The following AXIN1 variants were observed in gnomAD, a reference collection of about 807,000 sequenced individuals.
AXIN1 encodes the protein axin 1, also known as axin-1.
In AXIN1, 30 loss-of-function variants were observed where a neutral mutation model predicts 76.4. That is an observed-to-expected ratio of 0.39 (90% CI 0.29 to 0.53). The LOEUF (loss-of-function observed/expected upper bound fraction) is 0.53, where lower values mean the gene tolerates loss of function less well. AXIN1 is among the 20% of genes least tolerant of loss of function. AXIN1 has a pLI of 0.66. For synonymous variants in AXIN1, 545 were observed against 501.4 expected, an observed-to-expected ratio of 1.09 and a Z score of -1.16; for missense variants, 1,140 against 1,198.8, an observed-to-expected ratio of 0.95 and a Z score of 0.72.
intron 5 of AXIN1, among the ~76,000 whole-genome samples, chr16:303,686 CCCTTTTTA>C (rs1295615173): frequency 2.0e-5 from 3 of 152,300 alleles, no homozygotes; most frequent in African/African-American, 7.2e-5. Context: ...CCGCCCGTTT[CCCTTTTTA>C]CCTTTTCACC....
intron 3 of AXIN1, among the ~76,000 whole-genome samples, chr16:311,595 C>A (rs918889616): frequency 6.6e-6 from 1 of 151,602 alleles, no homozygotes; most frequent in African/African-American, 2.4e-5. Flanking sequence ...CACGGTGAAA[C>A]CCCGTCTCTA....
Position 287,671 on chromosome 16 carries a change from C to T in AXIN1, c.*451G>A. ...GATTCACACAGTGGCAGGCAAGAGA[C>T]AAGCTGTGTTGAAGGCACTCGGTGG... is the stretch of plus-strand genomic sequence containing the variant. On this transcript the variant is annotated 3_prime_UTR_variant, in exon 11 of 11. Coordinates refer to ENST00000262320, the MANE Select transcript of AXIN1 (RefSeq NM_003502.4). 1 of 328,512 alleles carries T rather than the reference C, an allele frequency of 3.0e-6. No individual in the cohort carries two copies. Among genetic ancestry groups the T allele is most frequent in the African/African-American group, 2.1e-5 (1 of 48,472 alleles). The allele number at this position is 328,512 out of a possible 1,614,324, so 20.3% of individuals were successfully genotyped here.
intron 4 of AXIN1, among the ~76,000 whole-genome samples, chr16:305,332 G>A (rs1293367201): frequency 6.6e-6 from 1 of 152,036 alleles, no homozygotes; most frequent in African/African-American, 2.4e-5. Context: ...TAATTAGCCG[G>A]GTGTGGTGGC....
rs574583555 is a variant in AXIN1, at chr16:299,566, G to A, written c.1255-1315C>T. Among the ~76,000 whole-genome samples the A allele has an allele frequency of 1.7e-3, 258 of 152,168 alleles. 1 individual carries two copies. The highest frequency in any genetic ancestry group is 0.01 in the Middle Eastern group (3 of 294). On this transcript the variant is annotated intron_variant, in intron 5 of 10. Coordinates refer to ENST00000262320, the MANE Select transcript of AXIN1 (RefSeq NM_003502.4). ...GACGGGGTTTCACCATGTTGGCCAG[G>A]CTGGTCTCAAACTCCTAACCTCAGG...
At chr16:337,773 G>T (rs1170140408) in intron 2 of AXIN1, among the ~76,000 whole-genome samples, 1 of 152,258 alleles carries the variant, frequency 6.6e-6, no homozygotes. Flanking sequence ...TCCGGACAGG[G>T]CCCAGGGTCC....
intron 2 of AXIN1, among the ~76,000 whole-genome samples, chr16:331,701 A>C (rs1014484339): frequency 6.6e-6 from 1 of 152,206 alleles, no homozygotes; most frequent in East Asian, 1.9e-4. Flanking sequence ...TTCACCATGG[A>C]AATGCTTTAT....
intron 7 of AXIN1, among the ~76,000 whole-genome samples, chr16:294,764 A>G (rs2052663341): frequency 6.8e-6 from 1 of 147,152 alleles, no homozygotes; most frequent in Non-Finnish European, 1.5e-5. Flanking sequence ...TCAAAAAAAA[A>G]AAAAAAAAAA....
chr16:322,605 T>G (rs1184903226), intron 2 of AXIN1, among the ~76,000 whole-genome samples: 1 of 152,170 alleles, frequency 6.6e-6, no homozygotes, highest in East Asian at 1.9e-4. Context: ...AAAGAGTCCA[T>G]GCAGACTCGG....
At chr16:312,763 G>C (rs960670645) in intron 3 of AXIN1, among the ~76,000 whole-genome samples, 7 of 152,248 alleles carry the variant, frequency 4.6e-5, no homozygotes, top group Non-Finnish European at 8.8e-5. Flanking sequence ...CAGCTACCTG[G>C]GGAAAAACCA....
At position 314,577 on chromosome 16, in the gene AXIN1, C is replaced by T. The variant is rs754764999; in HGVS notation, c.985G>A (p.Asp329Asn). 12 of 1,613,802 alleles carry T rather than the reference C, an allele frequency of 7.4e-6. No homozygotes were observed. Among genetic ancestry groups the T allele is most frequent in the Admixed American group, 5.0e-5 (3 of 60,000 alleles). ...TCCGTGAGGGACAGGGTGTCTGCAT[C>T]GCTGGACAGGCTCTGCTGCTCGCTG... is the stretch of plus-strand genomic sequence containing the variant. Reference protein sequence around the residue: ...NDSEQQSLSSDADTLSLTDSS... With the variant: ...NDSEQQSLSSNADTLSLTDSS... Residue 329 changes from aspartate to asparagine, a missense_variant, in exon 3 of 11, where the codon GAT becomes AAT. Asp to Asn is a conservative substitution (Grantham distance 23). Coordinates refer to ENST00000262320, the MANE Select transcript of AXIN1 (RefSeq NM_003502.4).
chr16:288,064 C>T lies in AXIN1; in HGVS notation c.*58G>A, dbSNP rs536818369. ...CTGAGTACGAGGTCATCTGCCTGGC[C>T]GTGACACCCGTGCCCGCCAAGGGCC... On this transcript the variant is annotated 3_prime_UTR_variant, in exon 11 of 11. Coordinates refer to ENST00000262320, the MANE Select transcript of AXIN1 (RefSeq NM_003502.4). 339 of 1,611,184 alleles carry T rather than the reference C, an allele frequency of 2.1e-4. 2 individuals are homozygous for T. In the Middle Eastern group the frequency reaches 2.6e-3, roughly 13 times the overall value.
intron 2 of AXIN1, among the ~76,000 whole-genome samples, chr16:331,321 G>A (rs1285891656): frequency 2.6e-5 from 4 of 152,088 alleles, no homozygotes. Flanking sequence ...TCCAAGCTGG[G>A]TCTACCCTCT....
intron 2 of AXIN1, among the ~76,000 whole-genome samples, chr16:321,827 A>G (rs982137824): frequency 7.9e-5 from 12 of 152,262 alleles, no homozygotes; most frequent in African/African-American, 2.9e-4. Flanking sequence ...GTGGATTCCA[A>G]CCTCAAAGTG....
Position 296,345 on chromosome 16 carries a change from T to C in AXIN1, c.1955+711A>G, listed in dbSNP as rs1170371050. The stretch of plus-strand genomic sequence containing the variant: ...TGAGGGTGGGGGGCAGATCAGGACC[T>C]AAGTCTGAGGAAGCTGGGGCCATCC... On this transcript the variant is annotated intron_variant, in intron 7 of 10. Transcript: ENST00000262320. Among the ~76,000 whole-genome samples the C allele has an allele frequency of 2.0e-5, 3 of 152,190 alleles. No homozygotes were observed. The East Asian group carries it at 5.8e-4, about 29-fold the overall frequency.
chr16:323,014 A>C (rs574802644), intron 2 of AXIN1, among the ~76,000 whole-genome samples: 73 of 152,346 alleles, frequency 4.8e-4, no homozygotes, highest in African/African-American at 1.7e-3. Context: ...ACTGAGAGCC[A>C]AGCGTGGCTC....
chr16:329,463 G>A (rs1050267970), intron 2 of AXIN1, among the ~76,000 whole-genome samples: 1 of 151,576 alleles, frequency 6.6e-6, no homozygotes, highest in Non-Finnish European at 1.5e-5. Flanking sequence ...TCTTTTTTTT[G>A]GATATGGCAT....
intron 2 of AXIN1, among the ~76,000 whole-genome samples, chr16:329,185 G>T (rs1213572403): frequency 6.6e-6 from 1 of 150,444 alleles, no homozygotes; most frequent in Non-Finnish European, 1.5e-5. Flanking sequence ...GCTGAGGCAG[G>T]AGAATCGCTT....
At position 297,784 on chromosome 16, in the gene AXIN1, C is replaced by A. The variant is rs375778322; in HGVS notation, c.1722G>T (p.Arg574Ser). The A allele has an allele frequency of 6.4e-7, 1 of 1,572,678 alleles. No homozygotes were observed. The change falls in exon 6 of 11, where the codon AGG becomes AGT. Residue 574 changes from arginine to serine, a missense_variant. This residue lies in a region of AXIN1 where 429 missense variants were observed against 405.8 expected (regional missense o/e 1.06). Coordinates refer to ENST00000262320, the MANE Select transcript of AXIN1 (RefSeq NM_003502.4). ...WGLEPHSHGA[R>S]SRGYSESVGA... ...CAACACTCTCTGAGTAGCCTCGGGACCTTGCCCCATGGCTGTGTGGTTCCA... is the reference window on the plus strand; with the variant it reads ...CAACACTCTCTGAGTAGCCTCGGGAACTTGCCCCATGGCTGTGTGGTTCCA...
intron 2 of AXIN1, among the ~76,000 whole-genome samples, chr16:328,505 G>C (rs1374438203): frequency 6.6e-6 from 1 of 151,000 alleles, no homozygotes; most frequent in East Asian, 1.9e-4. Context: ...CAACCAGCCT[G>C]ACCAACATGG....
Sources: gnomAD v4.1 joint callset for allele counts (sites outside exome capture counted in the v4.1 genomes callset) on GRCh38, gnomAD v4.1.1 for gene constraint, gnomAD v4.1.1 regional missense constraint, MANE v1.5 for transcripts, NCBI Gene and HGNC (gene_info 2026-07-23, HGNC 2026-07-21) for gene names.